Variants in VRK2 observed in about 807,000 individuals in gnomAD.
VRK2 encodes serine/threonine-protein kinase VRK2.
In VRK2, 60 loss-of-function variants were observed where a neutral mutation model predicts 57.6. The observed-to-expected ratio is 1.04, with a 90% CI of 0.85 to 1.29. VRK2 has a LOEUF of 1.29. Ranked by LOEUF, VRK2 falls within the 50% of genes most tolerant of loss-of-function variation. VRK2 has a pLI of 0.00. For synonymous variants in VRK2, 231 were observed against 199.2 expected, an observed-to-expected ratio of 1.16 and a Z score of -1.35; for missense variants, 705 against 588.1, an observed-to-expected ratio of 1.20 and a Z score of -2.06.
chr2:58,152,988 G>A (rs1489356820), intron 12 of VRK2, among the ~76,000 whole-genome samples: 1 of 151,910 alleles, frequency 6.6e-6, no homozygotes, highest in Non-Finnish European at 1.5e-5. Flanking sequence ...TAACATGTAT[G>A]GAGTAACCAC....
intron 12 of VRK2, among the ~76,000 whole-genome samples, chr2:58,152,286 G>A (rs2104694090): frequency 1.3e-5 from 2 of 151,886 alleles, no homozygotes; most frequent in Middle Eastern, 6.8e-3. Context: ...TAGACAGCGT[G>A]GCTCTAGAAA....
chr2:58,113,481 A>G (rs1675900264), intron 7 of VRK2, among the ~76,000 whole-genome samples: 1 of 152,178 alleles, frequency 6.6e-6, no homozygotes, highest in South Asian at 2.1e-4. Flanking sequence ...TTGTGTGAGC[A>G]ATATGGCTGT....
At chr2:58,069,676 C>G (rs1669119206) in intron 2 of VRK2, among the ~76,000 whole-genome samples, 1 of 152,136 alleles carries the variant, frequency 6.6e-6, no homozygotes, top group Non-Finnish European at 1.5e-5. Context: ...CTGCTGCCGC[C>G]ACTGTCATCA....
At chr2:58,000,787 G>A (rs990536028) in intron 1 of VRK2, among the ~76,000 whole-genome samples, 10 of 151,970 alleles carry the variant, frequency 6.6e-5, no homozygotes, top group African/African-American at 2.2e-4. Context: ...ATTCATACTC[G>A]ACTGCAAAAC....
intron 12 of VRK2, among the ~76,000 whole-genome samples, chr2:58,148,772 A>G (rs961589092): frequency 6.6e-6 from 1 of 151,658 alleles, no homozygotes; most frequent in African/African-American, 2.4e-5. Context: ...AGATGTTCCT[A>G]ATGAATTTCT....
intron 10 of VRK2, among the ~76,000 whole-genome samples, 176 bp from the exon 11 acceptor site, chr2:58,139,490 T>G (rs954967218): frequency 6.6e-6 from 1 of 152,150 alleles, no homozygotes; most frequent in African/African-American, 2.4e-5. Flanking sequence ...GGTCACTATA[T>G]TTCAGTCATT....
At chr2:57,926,997 CTTGTGTGTGTGT>C (rs1341970385) in intron 1 of VRK2, among the ~76,000 whole-genome samples, 6 of 130,242 alleles carry the variant, frequency 4.6e-5, no homozygotes, top group African/African-American at 1.6e-4. Flanking sequence ...GTTTTAATTT[CTTGTGTGTGTGT>C]GTGTGTGTGT....
chr2:58,091,389 C>G (rs969463168), intron 7 of VRK2, among the ~76,000 whole-genome samples: 3 of 151,948 alleles, frequency 2.0e-5, no homozygotes, highest in Middle Eastern at 3.2e-3. Flanking sequence ...CCTAAAACTT[C>G]TCTAAAAAAT....
intron 8 of VRK2, among the ~76,000 whole-genome samples, chr2:58,129,489 G>C (rs1678848145): frequency 6.6e-6 from 1 of 151,886 alleles, no homozygotes; most frequent in African/African-American, 2.4e-5. Context: ...TTTGAAAATT[G>C]TATAATTAAA....
chr2:58,145,939 A>G (rs1239435982), intron 11 of VRK2, among the ~76,000 whole-genome samples: 1 of 152,076 alleles, frequency 6.6e-6, no homozygotes, highest in African/African-American at 2.4e-5. Flanking sequence ...ATGTCCCTAC[A>G]AAGGACATGA....
intron 12 of VRK2, among the ~76,000 whole-genome samples, chr2:58,156,852 T>A (rs946186276): frequency 1.3e-5 from 2 of 152,214 alleles, no homozygotes; most frequent in Non-Finnish European, 2.9e-5. Context: ...GAATCTCTGT[T>A]AATTTTTTCT....
intron 1 of VRK2, among the ~76,000 whole-genome samples, chr2:57,959,019 A>T (rs999787572): frequency 1.3e-5 from 2 of 152,206 alleles, no homozygotes; most frequent in African/African-American, 4.8e-5. Flanking sequence ...CTATCTAGGA[A>T]TCTCTTATTC....
intron 1 of VRK2, among the ~76,000 whole-genome samples, chr2:58,000,500 G>C (rs919130757): frequency 6.6e-6 from 1 of 152,104 alleles, no homozygotes; most frequent in African/African-American, 2.4e-5. Flanking sequence ...ATTATAACTA[G>C]ATCATTTTAA....
intron 1 of VRK2, among the ~76,000 whole-genome samples, chr2:57,942,641 T>C (rs914295313): frequency 5.3e-5 from 8 of 152,224 alleles, no homozygotes; most frequent in Non-Finnish European, 1.2e-4. Flanking sequence ...CTAACTTTAT[T>C]TGGTTTTAAC....
At chr2:58,034,553 G>T (rs1289455612) in intron 3 of VRK2, among the ~76,000 whole-genome samples, 3 of 151,930 alleles carry the variant, frequency 2.0e-5, no homozygotes, top group Non-Finnish European at 4.4e-5. Flanking sequence ...TAAGAAGGCA[G>T]GGATGGTTTG....
intron 2 of VRK2, among the ~76,000 whole-genome samples, chr2:58,050,809 A>G (rs546092284): frequency 1.3e-5 from 2 of 151,126 alleles, no homozygotes; most frequent in Admixed American, 1.3e-4. Context: ...GCAGAAAAAT[A>G]TTTGCTTCTT....
At chr2:58,113,101 G>C (rs1016194078) in intron 7 of VRK2, among the ~76,000 whole-genome samples, 3 of 152,080 alleles carry the variant, frequency 2.0e-5, no homozygotes, top group Non-Finnish European at 4.4e-5. Flanking sequence ...ATGAGGTCAG[G>C]AGTTCCAGAC....
intron 7 of VRK2, among the ~76,000 whole-genome samples, chr2:58,117,794 AAAGTTGGAGAGGTTTT>A (rs566117866): frequency 2.6e-5 from 4 of 152,252 alleles, no homozygotes; most frequent in African/African-American, 9.6e-5. Flanking sequence ...TAGGTCAGTG[AAAGTTGGAGAGGTTTT>A]AAGTTCTTAA....
intron 1 of VRK2, among the ~76,000 whole-genome samples, chr2:57,912,564 C>A (rs1670020467): frequency 6.6e-6 from 1 of 152,054 alleles, no homozygotes; most frequent in Non-Finnish European, 1.5e-5. Context: ...GAGAGGAAAT[C>A]AGAAAAGAGC....
Sources: gnomAD v4.1 joint callset for allele counts (sites outside exome capture counted in the v4.1 genomes callset) on GRCh38, gnomAD v4.1.1 for gene constraint, MANE v1.5 for transcripts, NCBI Gene and HGNC (gene_info 2026-07-23, HGNC 2026-07-21) for gene names.